Variants in ADNP2 observed in about 807,000 individuals in gnomAD.
ADNP2 encodes ADNP homeobox 2, also known as activity-dependent neuroprotector homeobox protein 2.
ADNP2 carries 8 observed loss-of-function variants against 16.4 expected under a neutral mutation model. The ratio of observed to expected loss-of-function variants is 0.49; its 90% CI spans 0.29 to 0.88. The LOEUF is 0.88. Among genes scored for constraint, ADNP2 ranks in the 40% least tolerant of loss-of-function variants. The pLI, the probability that ADNP2 is intolerant of heterozygous loss-of-function variation, is 0.09. For synonymous variants in ADNP2, 637 were observed against 545.8 expected (o/e 1.17, Z -2.33); for missense variants, 1,397 against 1,395.1 (o/e 1.00, Z -0.02).
At chr18:80,135,430 C>T (rs770055013) in intron 3 of ADNP2, among the ~76,000 whole-genome samples, 182 bp from the exon 4 acceptor site, 1 of 152,138 alleles carries the variant, frequency 6.6e-6, no homozygotes, top group African/African-American at 2.4e-5. Context: ...GCCCACAGTC[C>T]TAACATAATC....
At position 80,139,912 on chromosome 18, in the gene ADNP2, G is replaced by A. The variant is rs1249519670; in HGVS notation, c.*1103G>A. Reference sequence around the variant, plus strand: ...CTGGTTTAGGCTGGAAGCTGTGTCCGGGTCGATGGGATGGCATATTGTTAA... The same window carrying A: ...CTGGTTTAGGCTGGAAGCTGTGTCCAGGTCGATGGGATGGCATATTGTTAA... On this transcript the variant is annotated 3_prime_UTR_variant, in exon 4 of 4. Coordinates refer to ENST00000262198, the MANE Select transcript of ADNP2 (RefSeq NM_014913.4). The A allele has an allele frequency of 2.6e-5, 4 of 152,148 alleles. No individual in the cohort carries two copies. Among genetic ancestry groups the A allele is most frequent in the African/African-American group, 9.7e-5 (4 of 41,420 alleles). The allele number at this position is 152,148 out of a possible 1,614,324, so 9.4% of individuals were successfully genotyped here.
chr18:80,119,466 A>G (rs184256262), intron 2 of ADNP2, among the ~76,000 whole-genome samples: 10 of 151,704 alleles, frequency 6.6e-5, no homozygotes, highest in Admixed American at 5.9e-4. Context: ...CCCTGTAGAG[A>G]GAAAGAACCA....
chr18:80,121,223 C>T (rs552366403), intron 2 of ADNP2, among the ~76,000 whole-genome samples: 26 of 152,280 alleles, frequency 1.7e-4, no homozygotes, highest in African/African-American at 6.0e-4. Flanking sequence ...CTTTCTCCCT[C>T]CCTCACTTGC....
In ADNP2 at chr18:80,138,487, G is replaced by A; in HGVS notation, c.3074G>A (p.Arg1025Lys). 6.2e-7 allele frequency: 1 copy of A among 1,614,146 alleles called. No individual in the cohort carries two copies. Among genetic ancestry groups the A allele is most frequent in the Non-Finnish European group, 8.5e-7 (1 of 1,180,036 alleles). The change falls in exon 4 of 4, where the codon AGA becomes AAA. Residue 1025 changes from arginine to lysine, a missense_variant. Physicochemically the swap from Arg to Lys is conservative, Grantham distance 26 (BLOSUM62 2). Coordinates refer to ENST00000262198, the MANE Select transcript of ADNP2 (RefSeq NM_014913.4). Reference sequence around the variant, plus strand: ...TTTAAAAGACAAAGGAATGAAAGCAGAACAGAGGGACCTATTGTCAAGGAC... The same window carrying A: ...TTTAAAAGACAAAGGAATGAAAGCAAAACAGAGGGACCTATTGTCAAGGAC... ...VPFKRQRNES[R>K]TEGPIVKDEA... is the part of the protein sequence containing the mutation.
At chr18:80,134,637 C>T (rs1219154031) in intron 3 of ADNP2, among the ~76,000 whole-genome samples, 1 of 152,066 alleles carries the variant, frequency 6.6e-6, no homozygotes, top group Non-Finnish European at 1.5e-5. Flanking sequence ...CAAGTTATTG[C>T]AAACCAGCAA....
At position 80,133,095 on chromosome 18, in the gene ADNP2, T is replaced by G; in HGVS notation, c.109-8T>G. The G allele has an allele frequency of 1.3e-6, 2 of 1,577,050 alleles. No homozygotes were observed. Among genetic ancestry groups the G allele is most frequent in the Non-Finnish European group, 1.7e-6 (2 of 1,159,094 alleles). On this transcript the variant is annotated splice_region_variant and splice_polypyrimidine_tract_variant and intron_variant, in intron 2 of 3. Coordinates refer to ENST00000262198, the MANE Select transcript of ADNP2 (RefSeq NM_014913.4). ...ACATAATCTCTTTTTTTTCTCCCTT[T>G]TTAAAAGGACCTTAAAGGCTTTGAT... is the stretch of plus-strand genomic sequence containing the variant.
At chr18:80,117,964 A>G (rs146096967) in intron 2 of ADNP2, among the ~76,000 whole-genome samples, 1,570 of 152,298 alleles carry the variant, frequency 0.01, 18 homozygotes, top group Non-Finnish European at 0.017. Context: ...TGTTAGAGCA[A>G]TCAACAAATG....
rs758273264 is a variant in ADNP2, at chr18:80,117,535, T to C, written c.-8T>C. On this transcript the variant is annotated 5_prime_UTR_variant, in exon 2 of 4. Coordinates refer to ENST00000262198, the MANE Select transcript of ADNP2 (RefSeq NM_014913.4). ...TTGTTTTCTTTCCTTTTAAGGAAAA[T>C]TTCAAAAATGTTTCAAATTCCTGTG... The C allele has an allele frequency of 1.3e-6, 2 of 1,582,752 alleles. No homozygotes were observed. Among genetic ancestry groups the C allele is most frequent in the East Asian group, 2.3e-5 (1 of 44,182 alleles).
intron 2 of ADNP2, 83 bp from the exon 3 acceptor site, chr18:80,133,020 C>A: frequency 9.8e-7 from 1 of 1,016,636 alleles, no homozygotes; most frequent in Non-Finnish European, 1.5e-6. Context: ...TATGCCCGGC[C>A]TTATAATCTC....
intron 2 of ADNP2, among the ~76,000 whole-genome samples, chr18:80,129,089 C>A (rs1178008736): frequency 1.3e-5 from 2 of 148,532 alleles, no homozygotes; most frequent in Admixed American, 6.9e-5. Flanking sequence ...TCAGTTTTAC[C>A]CAGAACTTTT....
At position 80,124,835 on chromosome 18, in the gene ADNP2, T is replaced by C. The variant is rs531851135; in HGVS notation, c.108+7185T>C. Among the ~76,000 whole-genome samples, 263 of 152,296 alleles carry C rather than the reference T, an allele frequency of 1.7e-3. 1 individual carries two copies. The highest frequency in any genetic ancestry group is 6.1e-3 in the African/African-American group (254 of 41,560). On this transcript the variant is annotated intron_variant, in intron 2 of 3. Transcript: ENST00000262198. Reference sequence around the variant, plus strand: ...CTTAATTCTAGATATTTCAGGGTAATGGTTTATGCGTGAGTCTTATTTTCT... The same window carrying C: ...CTTAATTCTAGATATTTCAGGGTAACGGTTTATGCGTGAGTCTTATTTTCT...
rs760494033 is a variant in ADNP2 at position 80,136,183 on chromosome 18, G to A, written c.770G>A (p.Arg257Lys). The A allele has an allele frequency of 8.7e-6, 14 of 1,614,120 alleles. No individual in the cohort carries two copies. Among genetic ancestry groups the A allele is most frequent in the Non-Finnish European group, 1.0e-5 (12 of 1,180,058 alleles). Residue 257 changes from arginine to lysine, a missense_variant, in exon 4 of 4, where the codon AGG becomes AAG. Arg to Lys is a conservative substitution (Grantham distance 26). This residue lies in a region of ADNP2 where 777 missense variants were observed against 719.4 expected (regional missense o/e 1.08). Transcript: ENST00000262198. ...LRSVISEHIK[R>K]TGLLKQTHIA... ...TCTGTGATTTCAGAACATATTAAGA[G>A]GACTGGACTCTTGAAGCAAACGCAC...
chr18:80,114,221 G>C (rs2052375357), intron 1 of ADNP2, among the ~76,000 whole-genome samples: 2 of 151,208 alleles, frequency 1.3e-5, no homozygotes, highest in Non-Finnish European at 2.9e-5. Context: ...AAAAGATCTT[G>C]AGAGGTATTG....
intron 2 of ADNP2, among the ~76,000 whole-genome samples, chr18:80,132,067 A>G (rs1281710193): frequency 2.0e-4 from 30 of 152,190 alleles, no homozygotes. Context: ...GGGTTTTAGA[A>G]TCCTTACGTT....
chr18:80,137,021 G>A lies in ADNP2; in HGVS notation c.1608G>A (p.Gln536=). 6.2e-7 allele frequency: 1 copy of A among 1,614,110 alleles called. No homozygotes were observed. The highest frequency in any genetic ancestry group is 2.2e-5 in the East Asian group (1 of 44,870). Residue 536 remains glutamine (Q), a synonymous_variant, in exon 4 of 4, where the codon CAG becomes CAA. Coordinates refer to ENST00000262198, the MANE Select transcript of ADNP2 (RefSeq NM_014913.4). The surrounding 1 kb of genome is among the most constrained non-coding windows in gnomAD (Gnocchi z 4.2). The stretch of plus-strand genomic sequence containing the variant: ...CCTCAGCTGTTGTGCCTGTAAACCA[G>A]GGTGTGAATTCTGGTGTTCTGCAGC... ...VSSSAVVPVN[Q]GVNSGVLQLS...
intron 2 of ADNP2, among the ~76,000 whole-genome samples, chr18:80,118,650 T>G (rs968020667): frequency 2.8e-4 from 43 of 152,190 alleles, no homozygotes; most frequent in Admixed American, 9.8e-4. Context: ...AAGTAACATG[T>G]CAGTAACAAC....
At chr18:80,124,791 G>A (rs960484083) in intron 2 of ADNP2, among the ~76,000 whole-genome samples, 7 of 152,110 alleles carry the variant, frequency 4.6e-5, no homozygotes, top group African/African-American at 1.4e-4. Context: ...CACACAAAAA[G>A]ACAAAAATTA....
Position 80,135,830 on chromosome 18 carries a change from G to C in ADNP2, c.417G>C (p.Val139=). The C allele has an allele frequency of 6.2e-7, 1 of 1,614,166 alleles. No homozygotes were observed. The highest frequency in any genetic ancestry group is 8.5e-7 in the Non-Finnish European group (1 of 1,180,008). Residue 139 remains valine, a synonymous_variant, in exon 4 of 4, where the codon GTG becomes GTC. Transcript: ENST00000262198. The stretch of plus-strand genomic sequence containing the variant: ...TCCGGAAAGTCCAGAACTACACAGT[G>C]AATATTTTAGGTGAAACTAAATCAT... ...APVRKVQNYT[V]NILGETKSSR... is the part of the protein sequence containing the mutation.
chr18:80,122,332 G>C (rs369705221), intron 2 of ADNP2, among the ~76,000 whole-genome samples: 1 of 152,114 alleles, frequency 6.6e-6, no homozygotes, highest in African/African-American at 2.4e-5. Context: ...GCTTTTTGGG[G>C]CCCCTTGTAA....
Sources: gnomAD v4.1 joint callset for allele counts (sites outside exome capture counted in the v4.1 genomes callset) on GRCh38, gnomAD v4.1.1 for gene constraint, gnomAD v4.1.1 regional missense constraint, Gnocchi (gnomAD v3.1) non-coding constraint, MANE v1.5 for transcripts, NCBI Gene and HGNC (gene_info 2026-07-23, HGNC 2026-07-21) for gene names.